ZDHHC14: variants seen among roughly 807,000 people sequenced by gnomAD.
ZDHHC14 encodes zDHHC palmitoyltransferase 14.
Under a neutral mutation model 47.7 loss-of-function variants are expected in ZDHHC14, and 16 were observed. That is an observed-to-expected ratio of 0.34 (90% confidence interval 0.23 to 0.51). The LOEUF (loss-of-function observed/expected upper bound fraction) is 0.51, where lower values mean the gene tolerates loss of function less well. Ranked by LOEUF, ZDHHC14 falls within the 20% of genes least tolerant of loss-of-function variation. ZDHHC14 has a pLI of 0.97. For synonymous variants in ZDHHC14, 293 were observed against 278.9 expected (o/e 1.05, Z -0.50); for missense variants, 515 against 662.5 (o/e 0.78, Z 2.44).
At chr6:157,614,257 T>G (rs1479300110) in intron 3 of ZDHHC14, among the ~76,000 whole-genome samples, 1 of 152,006 alleles carries the variant, frequency 6.6e-6, no homozygotes, top group Non-Finnish European at 1.5e-5. Flanking sequence ...CAGCCCCACC[T>G]CCAGGAACTT....
chr6:157,551,820 T>G (rs1782247268), intron 2 of ZDHHC14, among the ~76,000 whole-genome samples: 1 of 152,234 alleles, frequency 6.6e-6, no homozygotes, highest in African/African-American at 2.4e-5. Flanking sequence ...ATAAATAGCG[T>G]CTTATTCCTT....
intron 1 of ZDHHC14, among the ~76,000 whole-genome samples, chr6:157,484,430 AC>A (rs1354480871): frequency 1.4e-5 from 2 of 146,114 alleles, no homozygotes; most frequent in Non-Finnish European, 3.0e-5. Context: ...ACATATATAT[AC>A]GTATATATAC....
intron 7 of ZDHHC14, among the ~76,000 whole-genome samples, 196 bp from the exon 8 acceptor site, chr6:157,653,329 G>A (rs1399911051): frequency 2.6e-5 from 4 of 152,240 alleles, no homozygotes; most frequent in East Asian, 1.9e-4. Flanking sequence ...AGGCCATGCC[G>A]TAGTCATGTT....
At chr6:157,420,131 A>G (rs1008353548) in intron 1 of ZDHHC14, among the ~76,000 whole-genome samples, 2 of 152,262 alleles carry the variant, frequency 1.3e-5, no homozygotes, top group Non-Finnish European at 2.9e-5. Context: ...ACAGTGGGAA[A>G]GCAGAATCGA....
intron 1 of ZDHHC14, among the ~76,000 whole-genome samples, chr6:157,481,138 G>A (rs149381663): frequency 0.015 from 2,338 of 152,222 alleles, 31 homozygotes; most frequent in Non-Finnish European, 0.023. Flanking sequence ...ATATGTGCTT[G>A]CACGTGTGAT....
At chr6:157,441,885 T>G (rs1227546329) in intron 1 of ZDHHC14, among the ~76,000 whole-genome samples, 1 of 152,102 alleles carries the variant, frequency 6.6e-6, no homozygotes, top group Non-Finnish European at 1.5e-5. Context: ...TGTGTGTATG[T>G]GTGTGTGAGA....
chr6:157,568,255 C>T (rs905394300), intron 2 of ZDHHC14, among the ~76,000 whole-genome samples: 8 of 151,932 alleles, frequency 5.3e-5, no homozygotes, highest in African/African-American at 1.9e-4. Context: ...TATATATGTC[C>T]ATTATAGAAT....
intron 1 of ZDHHC14, among the ~76,000 whole-genome samples, chr6:157,476,503 C>T (rs1779487875): frequency 6.6e-6 from 1 of 152,190 alleles, no homozygotes; most frequent in African/African-American, 2.4e-5. Flanking sequence ...ACTAATCCTT[C>T]TAAAACTCTT....
rs1777932986 is a variant in ZDHHC14, at chr6:157,414,416, T to C, written c.245+32150T>C. On this transcript the variant is annotated intron_variant, in intron 1 of 8. Coordinates refer to ENST00000359775, the MANE Select transcript of ZDHHC14 (RefSeq NM_024630.3). ...CTGGCACCCTTGATTATGAAAACCA[T>C]GGTGCCACCCTTCCACTTCCACCTT... 2.6e-5 allele frequency among the ~76,000 whole-genome samples: 4 copies of C among 152,222 alleles called. No individual in the cohort carries two copies. The South Asian group carries it at 8.3e-4, about 31-fold the overall frequency.
intron 8 of ZDHHC14, among the ~76,000 whole-genome samples, chr6:157,669,464 G>A (rs1186952375): frequency 1.3e-5 from 2 of 152,180 alleles, no homozygotes; most frequent in East Asian, 1.9e-4. Flanking sequence ...GTTGGAAGGA[G>A]AGGAGCCCGC....
At chr6:157,537,231 A>G (rs569765586) in intron 1 of ZDHHC14, among the ~76,000 whole-genome samples, 4 of 152,360 alleles carry the variant, frequency 2.6e-5, no homozygotes, top group Non-Finnish European at 4.4e-5. Context: ...TCCATTTTTC[A>G]TGTATAAACA....
At chr6:157,489,518 T>G (rs543849184) in intron 1 of ZDHHC14, among the ~76,000 whole-genome samples, 86 of 152,256 alleles carry the variant, frequency 5.6e-4, no homozygotes, top group Non-Finnish European at 1.1e-3. Context: ...TTTTAAATTT[T>G]AGAATGCTCT....
At chr6:157,519,259 A>G (rs1780823315) in intron 1 of ZDHHC14, among the ~76,000 whole-genome samples, 1 of 152,262 alleles carries the variant, frequency 6.6e-6, no homozygotes, top group South Asian at 2.1e-4. Context: ...AACTGGAAGC[A>G]GAGAGATAAG....
chr6:157,450,851 G>A (rs1235025067), intron 1 of ZDHHC14, among the ~76,000 whole-genome samples: 2 of 152,114 alleles, frequency 1.3e-5, no homozygotes, highest in Non-Finnish European at 2.9e-5. Flanking sequence ...TTTCCTCAAG[G>A]CACAAATCCG....
At chr6:157,441,566 C>T (rs951047000) in intron 1 of ZDHHC14, among the ~76,000 whole-genome samples, 10 of 152,180 alleles carry the variant, frequency 6.6e-5, no homozygotes, top group African/African-American at 1.7e-4. Flanking sequence ...TGGCCAGGCA[C>T]GGTGGCTCAC....
Position 157,556,799 on chromosome 6 carries a change from A to G in ZDHHC14, c.406+14054A>G, listed in dbSNP as rs563980854. 2.0e-5 allele frequency among the ~76,000 whole-genome samples: 3 copies of G among 152,266 alleles called. No individual in the cohort carries two copies. In the East Asian group the frequency reaches 5.8e-4, roughly 29 times the overall value. ...CAGGTGGGGACAGAAAGGGGAAGAG[A>G]TGGCTGCCACCAGCTGAAGGACAGG... On this transcript the variant is annotated intron_variant, in intron 2 of 8. Coordinates refer to ENST00000359775, the MANE Select transcript of ZDHHC14 (RefSeq NM_024630.3).
intron 3 of ZDHHC14, among the ~76,000 whole-genome samples, chr6:157,613,355 G>A (rs927868268): frequency 4.6e-5 from 7 of 152,164 alleles, no homozygotes; most frequent in African/African-American, 1.4e-4. Context: ...CTATTTTATT[G>A]TTTGTTTTTA....
intron 1 of ZDHHC14, among the ~76,000 whole-genome samples, chr6:157,534,796 G>C (rs1268005085): frequency 6.6e-6 from 1 of 151,836 alleles, no homozygotes; most frequent in Non-Finnish European, 1.5e-5. Flanking sequence ...TCGCCATGTT[G>C]CCCAGGCTGG....
At chr6:157,517,951 C>G (rs1038452187) in intron 1 of ZDHHC14, among the ~76,000 whole-genome samples, 6 of 152,194 alleles carry the variant, frequency 3.9e-5, no homozygotes, top group African/African-American at 1.4e-4. Flanking sequence ...GAGCTGGGAA[C>G]TGAGAAAGGG....
Sources: gnomAD v4.1 joint callset for allele counts (sites outside exome capture counted in the v4.1 genomes callset) on GRCh38, gnomAD v4.1.1 for gene constraint, MANE v1.5 for transcripts, NCBI Gene and HGNC (gene_info 2026-07-23, HGNC 2026-07-21) for gene names.